Variants in MYH9 observed in about 807,000 individuals in gnomAD.
MYH9 encodes myosin heavy chain 9, also known as myosin-9.
MYH9 carries 29 observed loss-of-function variants against 241.9 expected under a neutral mutation model. The ratio of observed to expected loss-of-function variants is 0.12; its 90% CI spans 0.09 to 0.16. MYH9 has a LOEUF of 0.16. Among genes scored for constraint, MYH9 ranks in the 10% least tolerant of loss-of-function variants. The pLI is 1.00. For missense variants in MYH9, 1,803 were observed against 2,595.5 expected (o/e 0.69, Z 6.63); for synonymous variants, 1,047 against 1,062.6 (o/e 0.99, Z 0.29).
At chr22:36,298,788 TG>T in intron 24 of MYH9, 130 bp downstream of exon 24, 1 of 1,375,858 alleles carries the variant, frequency 7.3e-7, no homozygotes, top group East Asian at 2.3e-5. Context: ...CAGCAGCCAG[TG>T]CTGTAGTGTG....
Position 36,285,828 on chromosome 22 carries a change from C to G in MYH9, c.5150+37G>C, listed in dbSNP as rs779869924. On this transcript the variant is annotated intron_variant, in intron 36 of 40. Transcript: ENST00000216181. The surrounding 1 kb of genome is among the most constrained non-coding windows in gnomAD (Gnocchi z 7.0). ...TGAGGGGCCTACCCTGGGGACACAC[C>G]TGGTCCCCCCCAACTCTGCCCCCTC... The G allele has an allele frequency of 6.2e-7, 1 of 1,613,538 alleles. No individual in the cohort carries two copies. Among genetic ancestry groups the G allele is most frequent in the Non-Finnish European group, 8.5e-7 (1 of 1,179,926 alleles).
At chr22:36,297,472 A>G (rs1362040921) in intron 24 of MYH9, 2 of 160,774 alleles carry the variant, frequency 1.2e-5, no homozygotes, top group African/African-American at 4.8e-5. Context: ...ACCTCATCTG[A>G]ATAATAAGCA....
intron 1 of MYH9, among the ~76,000 whole-genome samples, chr22:36,361,497 C>A (rs192604855): frequency 6.6e-6 from 1 of 152,034 alleles, no homozygotes; most frequent in African/African-American, 2.4e-5. Context: ...AACACCAGTA[C>A]GTATTTCAAA....
At position 36,309,401 on chromosome 22, in the gene MYH9, CGGG is replaced by C; in HGVS notation, c.1729-8_1729-6del. The C allele has an allele frequency of 2.5e-6, 4 of 1,612,638 alleles. No homozygotes were observed. The highest frequency in any genetic ancestry group is 3.4e-6 in the Non-Finnish European group (4 of 1,178,658). ...CTCGTCAGCTTTGTAATCCACCTGG[CGGG>C]GTCAGAGAGGCAGGAGTCACAAGCT... On this transcript the variant is annotated splice_polypyrimidine_tract_variant and splice_region_variant and intron_variant, in intron 14 of 40. Transcript: ENST00000216181.
chr22:36,368,924 TG>T (rs1289674938), intron 1 of MYH9, among the ~76,000 whole-genome samples: 6 of 35,972 alleles, frequency 1.7e-4, no homozygotes, highest in East Asian at 7.6e-4. Context: ...GGGGTGGGGG[TG>T]GGGGGGCTCT....
intron 23 of MYH9, among the ~76,000 whole-genome samples, chr22:36,299,661 C>G (rs1479331583): frequency 1.3e-5 from 2 of 152,204 alleles, no homozygotes; most frequent in Non-Finnish European, 1.5e-5. Flanking sequence ...CTCCTGCCTT[C>G]TCCTCTAACT....
intron 12 of MYH9, 115 bp downstream of exon 12, chr22:36,316,402 G>A: frequency 6.7e-7 from 1 of 1,491,694 alleles, no homozygotes; most frequent in South Asian, 1.1e-5. Flanking sequence ...TTCATGCAAA[G>A]GAGATGGCCA....
rs368994883 is a variant in MYH9 at position 36,284,450 on chromosome 22, G to A, written c.5545C>T (p.Leu1849=). Residue 1849 remains leucine (L), a synonymous_variant, in exon 39 of 41, where the codon CTG becomes TTG. Coordinates refer to ENST00000216181, the MANE Select transcript of MYH9 (RefSeq NM_002473.6). ...TTCCTCCGCTCGTCATCCACCTGCA[G>A]CAGCACATCCTTCAGCTTCTTCTCG... The part of the protein sequence containing the change: ...RTEKKLKDVL[L]QVDDERRNAE... 2 of 1,613,542 alleles carry A rather than the reference G, an allele frequency of 1.2e-6. No individual in the cohort carries two copies. The highest frequency in any genetic ancestry group is 1.7e-6 in the Non-Finnish European group (2 of 1,180,030).
At chr22:36,302,914 C>T (rs1260334778) in intron 19 of MYH9, among the ~76,000 whole-genome samples, 1 of 152,204 alleles carries the variant, frequency 6.6e-6, no homozygotes, top group Non-Finnish European at 1.5e-5. Context: ...CCAGACTACC[C>T]CTCCACTGAG....
At chr22:36,314,001 T>G in intron 13 of MYH9, 144 bp downstream of exon 13, 1 of 1,098,260 alleles carries the variant, frequency 9.1e-7, no homozygotes, top group South Asian at 1.3e-5. Flanking sequence ...GATCTCAGCC[T>G]TGGGGCTTCA....
At chr22:36,287,756 A>AC (rs897127341) in intron 34 of MYH9, among the ~76,000 whole-genome samples, 3 of 152,350 alleles carry the variant, frequency 2.0e-5, no homozygotes, top group African/African-American at 7.2e-5. Context: ...AAACAAACAA[A>AC]AAAAAATTTG....
Position 36,293,837 on chromosome 22 carries a change from A to G in MYH9, c.3864T>C (p.Leu1288=). Residue 1288 remains leucine (L), a synonymous_variant, in exon 29 of 41, where the codon CTT becomes CTC. Coordinates refer to ENST00000216181, the MANE Select transcript of MYH9 (RefSeq NM_002473.6). This position sits in a 1 kb window ranked among gnomAD's most constrained non-coding sequence, Gnocchi z 5.1. ...LQVELDNVTG[L]LSQSDSKSSK... is the part of the protein sequence containing the mutation. ...TGGACTTGCTGTCGGACTGGCTGAG[A>G]AGCCCGGTCACGTTGTCCAGCTCCA... 6.2e-7 allele frequency: 1 copy of G among 1,613,668 alleles called. No homozygotes were observed. Among genetic ancestry groups the G allele is most frequent in the Non-Finnish European group, 8.5e-7 (1 of 1,179,918 alleles).
In MYH9 at chr22:36,329,649, T is replaced by C. The variant is rs543479414; in HGVS notation, c.491-2161A>G. On this transcript the variant is annotated intron_variant, in intron 3 of 40. Coordinates refer to ENST00000216181, the MANE Select transcript of MYH9 (RefSeq NM_002473.6). This position sits in a 1 kb window ranked among gnomAD's most constrained non-coding sequence, Gnocchi z 4.1. ...CCCCAACCCTTCCAGAGGAACCGTT[T>C]TCCCAGGGCTGTCCCTAGGATGGCT... Among the ~76,000 whole-genome samples, 177 of 152,300 alleles carry C rather than the reference T, an allele frequency of 1.2e-3. No individual in the cohort carries two copies. Among genetic ancestry groups the C allele is most frequent in the Non-Finnish European group, 1.8e-3 (121 of 68,020 alleles).
chr22:36,292,690 C>T (rs1374458139), intron 30 of MYH9, among the ~76,000 whole-genome samples: 1 of 152,230 alleles, frequency 6.6e-6, no homozygotes, highest in Non-Finnish European at 1.5e-5. Flanking sequence ...GTGGTTCAGG[C>T]CTTCTGGCCT....
intron 38 of MYH9, 26 bp from the exon 39 acceptor site, chr22:36,284,537 A>G (rs2016547130): frequency 2.5e-6 from 4 of 1,606,790 alleles, no homozygotes; most frequent in Non-Finnish European, 3.4e-6. Flanking sequence ...GGTGGCTCAG[A>G]GGGAACACCC....
At chr22:36,338,197 G>A (rs1239529254) in intron 3 of MYH9, among the ~76,000 whole-genome samples, 6 of 151,620 alleles carry the variant, frequency 4.0e-5, no homozygotes, top group African/African-American at 7.3e-5. Context: ...ACAGGGTTTC[G>A]CCATGTTGAC....
chr22:36,319,093 C>T (rs896610297), intron 10 of MYH9, among the ~76,000 whole-genome samples: 11 of 152,080 alleles, frequency 7.2e-5, no homozygotes, highest in Admixed American at 2.6e-4. Flanking sequence ...CACACCCATG[C>T]GTTACATCTT....
At chr22:36,290,794 C>T (rs1442935232) in intron 31 of MYH9, among the ~76,000 whole-genome samples, 4 of 150,874 alleles carry the variant, frequency 2.7e-5, no homozygotes, top group Non-Finnish European at 4.4e-5. Flanking sequence ...CGCCTCTGCC[C>T]CGCCGCCCCG....
At chr22:36,371,114 C>T (rs2018083975) in intron 1 of MYH9, among the ~76,000 whole-genome samples, 2 of 152,214 alleles carry the variant, frequency 1.3e-5, no homozygotes, top group Admixed American at 1.3e-4. Flanking sequence ...TCTGCTGACA[C>T]AAACACACTC....
Sources: gnomAD v4.1 joint callset for allele counts (sites outside exome capture counted in the v4.1 genomes callset) on GRCh38, gnomAD v4.1.1 for gene constraint, Gnocchi (gnomAD v3.1) non-coding constraint, MANE v1.5 for transcripts, NCBI Gene and HGNC (gene_info 2026-07-23, HGNC 2026-07-21) for gene names.